Variants in TANGO6 observed in about 807,000 individuals in gnomAD.
The protein encoded by TANGO6 is transport and golgi organization 6 homolog.
A neutral mutation model predicts 114.2 loss-of-function variants in TANGO6; 90 were observed. The observed-to-expected ratio is 0.79, with a 90% CI of 0.66 to 0.94. The LOEUF is 0.94. TANGO6 is among the 40% of genes least tolerant of loss of function. The pLI, the probability that TANGO6 is intolerant of heterozygous loss-of-function variation, is 0.00. For synonymous variants in TANGO6, 477 were observed against 509.8 expected (o/e 0.94, Z 0.87); for missense variants, 1,274 against 1,315.3 (o/e 0.97, Z 0.49).
At position 68,911,072 on chromosome 16, in the gene TANGO6, TA is replaced by T. The variant is rs1234265691; in HGVS notation, c.1992+1676del. 1.1e-4 allele frequency among the ~76,000 whole-genome samples: 17 copies of T among 152,222 alleles called. No homozygotes were observed. In the South Asian group the frequency reaches 1.2e-3, roughly 11 times the overall value. On this transcript the variant is annotated intron_variant, in intron 11 of 17. Coordinates refer to ENST00000261778, the MANE Select transcript of TANGO6 (RefSeq NM_024562.2). ...TTATTAGGGATCAAGATTTTTAGCA[TA>T]AAAAAGAGGTATAAAGTAAAGAACC...
chr16:68,897,953 G>T (rs145139995), intron 7 of TANGO6, among the ~76,000 whole-genome samples: 180 of 152,194 alleles, frequency 1.2e-3, no homozygotes, highest in African/African-American at 4.0e-3. Context: ...AAAGTTTGGG[G>T]TGCTTTGGCC....
intron 15 of TANGO6, among the ~76,000 whole-genome samples, chr16:69,013,147 T>C (rs1175646062): frequency 1.3e-5 from 2 of 151,812 alleles, no homozygotes; most frequent in African/African-American, 4.8e-5. Context: ...TTAGCACATA[T>C]ACTAAGATGA....
At chr16:68,898,945 C>CATTATT in intron 7 of TANGO6, among the ~76,000 whole-genome samples, 1 of 100,240 alleles carries the variant, frequency 1.0e-5, no homozygotes, top group Non-Finnish European at 1.9e-5. Context: ...CAATTATCTG[C>CATTATT]CTTATTATTA....
chr16:69,003,194 A>G (rs1275026358), intron 15 of TANGO6, among the ~76,000 whole-genome samples: 1 of 152,216 alleles, frequency 6.6e-6, no homozygotes, highest in Non-Finnish European at 1.5e-5. Context: ...TGATTTAACC[A>G]TGGATGCACA....
chr16:68,927,402 T>C (rs1963180425), intron 12 of TANGO6, 166 bp from the exon 13 acceptor site: 1 of 662,934 alleles, frequency 1.5e-6, no homozygotes, highest in South Asian at 2.0e-5. Context: ...TAGGTATGAT[T>C]ATTCAACAAA....
chr16:68,863,075 G>T lies in TANGO6; in HGVS notation c.852+14G>T. 6.9e-7 allele frequency: 1 copy of T among 1,453,206 alleles called. No individual in the cohort carries two copies. The highest frequency in any genetic ancestry group is 9.3e-7 in the Non-Finnish European group (1 of 1,079,872). 90.0% of individuals were successfully genotyped at this position (1,453,206 alleles called of 1,614,324 possible). ...GGACCACCCCAGGTACTCAGGCCTA[G>T]GGACTCTTGGGGGTGACTCATTAAT... On this transcript the variant is annotated intron_variant, in intron 3 of 17. Transcript: ENST00000261778.
intron 15 of TANGO6, among the ~76,000 whole-genome samples, chr16:69,001,764 G>A (rs769439535): frequency 2.0e-4 from 30 of 152,136 alleles, no homozygotes; most frequent in Non-Finnish European, 3.8e-4. Context: ...ACGTTCCCCC[G>A]AAGCTGGTGG....
chr16:68,976,002 A>G (rs1436043525), intron 15 of TANGO6, among the ~76,000 whole-genome samples: 2 of 152,126 alleles, frequency 1.3e-5, no homozygotes, highest in African/African-American at 2.4e-5. Context: ...TGGCACGGTC[A>G]TGGCTCACTG....
intron 1 of TANGO6, among the ~76,000 whole-genome samples, chr16:68,856,128 T>G (rs531372249): frequency 1.3e-5 from 2 of 152,314 alleles, no homozygotes; most frequent in African/African-American, 4.8e-5. Context: ...ATTGCTGCTT[T>G]TGACCTATTT....
intron 1 of TANGO6, among the ~76,000 whole-genome samples, chr16:68,850,275 A>G (rs947133920): frequency 6.6e-6 from 1 of 152,004 alleles, no homozygotes; most frequent in African/African-American, 2.4e-5. Flanking sequence ...TCCAGCCTCT[A>G]GCTGTTCTTT....
Position 69,001,839 on chromosome 16 carries a change from T to C in TANGO6, c.2843-20989T>C, listed in dbSNP as rs547677961. Among the ~76,000 whole-genome samples, 4 of 152,302 alleles carry C rather than the reference T, an allele frequency of 2.6e-5. No individual in the cohort carries two copies. In the East Asian group the frequency reaches 5.8e-4, roughly 22 times the overall value. On this transcript the variant is annotated intron_variant, in intron 15 of 17. Coordinates refer to ENST00000261778, the MANE Select transcript of TANGO6 (RefSeq NM_024562.2). ...TTTTAGGTACCCAAGAGCACACTTT[T>C]TTCATTTAAATATGAGAAGAAAGAA... is the stretch of plus-strand genomic sequence containing the variant.
At chr16:69,040,460 TTTTA>T (rs1959755297) in intron 17 of TANGO6, 39 bp downstream of exon 17, 2 of 1,492,634 alleles carry the variant, frequency 1.3e-6, no homozygotes. Flanking sequence ...TCTCCACCTC[TTTTA>T]TTTGTCTATT....
At chr16:68,939,750 T>C (rs1963333031) in intron 14 of TANGO6, among the ~76,000 whole-genome samples, 1 of 152,236 alleles carries the variant, frequency 6.6e-6, no homozygotes, top group South Asian at 2.1e-4. Context: ...TATATGTATA[T>C]ACACACGTAC....
chr16:68,857,418 C>T (rs1192657292), intron 1 of TANGO6, among the ~76,000 whole-genome samples: 4 of 151,428 alleles, frequency 2.6e-5, no homozygotes, highest in Non-Finnish European at 5.9e-5. Flanking sequence ...AAAAAAAATC[C>T]TTTCACCTTT....
At chr16:68,963,697 C>T (rs1022835000) in intron 14 of TANGO6, among the ~76,000 whole-genome samples, 3 of 152,218 alleles carry the variant, frequency 2.0e-5, no homozygotes, top group Non-Finnish European at 2.9e-5. Flanking sequence ...TCATTGGGCA[C>T]TGTTTACTGC....
chr16:69,069,276 C>T (rs1399151795), intron 17 of TANGO6, among the ~76,000 whole-genome samples: 5 of 152,174 alleles, frequency 3.3e-5, no homozygotes, highest in Non-Finnish European at 7.3e-5. Context: ...AATACTTAGC[C>T]TAGTCTCCTG....
intron 17 of TANGO6, among the ~76,000 whole-genome samples, chr16:69,072,031 G>A (rs2152243237): frequency 7.2e-6 from 1 of 139,774 alleles, no homozygotes; most frequent in African/African-American, 2.9e-5. Context: ...GAGACCGTGT[G>A]TGTGTGTGTG....
chr16:68,863,501 T>A (rs112931811), intron 3 of TANGO6, among the ~76,000 whole-genome samples: 14,723 of 152,116 alleles, frequency 0.097, 808 homozygotes, highest in Non-Finnish European at 0.13. Flanking sequence ...TCCCAGCTAC[T>A]TGGGAGGCTG....
At chr16:69,047,033 T>C (rs1189853248) in intron 17 of TANGO6, among the ~76,000 whole-genome samples, 1 of 149,886 alleles carries the variant, frequency 6.7e-6, no homozygotes, top group African/African-American at 2.5e-5. Flanking sequence ...ATACAAAGAT[T>C]AGCTGGGCGT....
Sources: gnomAD v4.1 joint callset for allele counts (sites outside exome capture counted in the v4.1 genomes callset) on GRCh38, gnomAD v4.1.1 for gene constraint, MANE v1.5 for transcripts, NCBI Gene and HGNC (gene_info 2026-07-23, HGNC 2026-07-21) for gene names.